Variants in POC1A observed in about 807,000 individuals in gnomAD.
POC1A encodes the protein POC1 centriolar protein homolog A.
In POC1A, 34 loss-of-function variants were observed where a neutral mutation model predicts 47.8. The observed-to-expected ratio is 0.71, with a 90% CI of 0.54 to 0.95. The LOEUF is 0.95. POC1A is among the 40% of genes least tolerant of loss of function. The pLI is 0.00. For synonymous variants in POC1A, 177 were observed against 207.6 expected, an observed-to-expected ratio of 0.85 and a Z score of 1.27; for missense variants, 466 against 528.3, an observed-to-expected ratio of 0.88 and a Z score of 1.16.
At chr3:52,107,262 G>A (rs1348208806) in intron 9 of POC1A, among the ~76,000 whole-genome samples, 1 of 152,258 alleles carries the variant, frequency 6.6e-6, no homozygotes, top group Non-Finnish European at 1.5e-5. Flanking sequence ...GCACACAAGG[G>A]TGTGGGGCAG....
chr3:52,145,215 G>A (rs1698324086), intron 6 of POC1A, among the ~76,000 whole-genome samples: 1 of 152,132 alleles, frequency 6.6e-6, no homozygotes, highest in South Asian at 2.1e-4. Context: ...AACTCATCCT[G>A]GGCATGTCTA....
At chr3:52,120,724 T>C (rs1439513731) in intron 9 of POC1A, among the ~76,000 whole-genome samples, 1 of 152,192 alleles carries the variant, frequency 6.6e-6, no homozygotes, top group Non-Finnish European at 1.5e-5. Flanking sequence ...GTAGATAGTA[T>C]GGGAACAAGT....
intron 9 of POC1A, among the ~76,000 whole-genome samples, chr3:52,121,851 T>C (rs192513032): frequency 7.9e-4 from 120 of 152,342 alleles, no homozygotes; most frequent in African/African-American, 2.6e-3. Flanking sequence ...ATATTAACTA[T>C]TTAAATTCAG....
intron 10 of POC1A, among the ~76,000 whole-genome samples, chr3:52,080,915 C>G (rs1403144631): frequency 6.6e-6 from 1 of 152,236 alleles, no homozygotes. Flanking sequence ...ACTCCTCACC[C>G]GATACTGTCC....
At chr3:52,085,682 C>T (rs1702436933) in intron 10 of POC1A, among the ~76,000 whole-genome samples, 3 of 152,204 alleles carry the variant, frequency 2.0e-5, no homozygotes, top group Admixed American at 2.0e-4. Flanking sequence ...GTGGTAAGCA[C>T]GAAGGCTCCT....
chr3:52,149,573 AC>A (rs1016061429), intron 3 of POC1A, among the ~76,000 whole-genome samples, 184 bp from the exon 4 acceptor site: 1 of 152,174 alleles, frequency 6.6e-6, no homozygotes, highest in African/African-American at 2.4e-5. Context: ...TCTAGGCCCC[AC>A]CCACATGAAC....
chr3:52,122,427 C>T lies in POC1A; in HGVS notation c.933G>A (p.Thr311=), dbSNP rs777125034. The T allele has an allele frequency of 8.7e-6, 14 of 1,613,204 alleles. No homozygotes were observed. Among genetic ancestry groups the T allele is most frequent in the African/African-American group, 2.7e-5 (2 of 74,910 alleles). ...NFDIVDHGEV[T]KVPRPPATLA... ...GTGTGGCTGGGGGCCTCGGCACTTT[C>T]GTGACTTCTCCATGATCAACAATAT... Residue 311 remains threonine (T), a synonymous_variant, in exon 9 of 11, where the codon ACG becomes ACA. Coordinates refer to ENST00000296484, the MANE Select transcript of POC1A (RefSeq NM_015426.5).
intron 5 of POC1A, among the ~76,000 whole-genome samples, chr3:52,146,176 C>A (rs951121240): frequency 6.6e-6 from 1 of 152,258 alleles, no homozygotes; most frequent in African/African-American, 2.4e-5. Flanking sequence ...CTAAGGTGGA[C>A]TGACCAGGGA....
At chr3:52,089,474 ACT>A (rs1702572145) in intron 10 of POC1A, among the ~76,000 whole-genome samples, 1 of 152,058 alleles carries the variant, frequency 6.6e-6, no homozygotes, top group Non-Finnish European at 1.5e-5. Context: ...CCTGAACATG[ACT>A]CTGGCCAAAA....
chr3:52,094,115 AGAG>A (rs1163252888), intron 10 of POC1A, among the ~76,000 whole-genome samples: 1 of 152,244 alleles, frequency 6.6e-6, no homozygotes, highest in Non-Finnish European at 1.5e-5. Context: ...TGGAGGCAAC[AGAG>A]GAGAACAGCA....
rs1702096784 is a variant in POC1A at position 52,075,790 on chromosome 3, A to G, written c.*97T>C. On this transcript the variant is annotated 3_prime_UTR_variant, in exon 11 of 11. Coordinates refer to ENST00000296484, the MANE Select transcript of POC1A (RefSeq NM_015426.5). ...GGGCTCCAGTATGGATGTGATTCCCACAGAGTTCAGTCCCCTTTATTTACC... is the reference window on the plus strand; with the variant it reads ...GGGCTCCAGTATGGATGTGATTCCCGCAGAGTTCAGTCCCCTTTATTTACC... 4 of 904,296 alleles carry G rather than the reference A, an allele frequency of 4.4e-6. No homozygotes were observed. In the Admixed American group the frequency reaches 6.9e-5, roughly 16 times the overall value. 56.0% of individuals were successfully genotyped at this position (904,296 alleles called of 1,614,324 possible).
chr3:52,148,254 A>G (rs1019521048), intron 4 of POC1A, among the ~76,000 whole-genome samples: 11 of 152,236 alleles, frequency 7.2e-5, no homozygotes, highest in African/African-American at 2.7e-4. Context: ...TTGACACCCC[A>G]GTTTGCTGGC....
At chr3:52,132,995 G>A (rs890848943) in intron 7 of POC1A, among the ~76,000 whole-genome samples, 1 of 151,626 alleles carries the variant, frequency 6.6e-6, no homozygotes, top group Non-Finnish European at 1.5e-5. Flanking sequence ...GCAGTGAGCC[G>A]AGTTCACGCC....
At chr3:52,124,005 C>A (rs1366523258) in intron 8 of POC1A, among the ~76,000 whole-genome samples, 2 of 152,182 alleles carry the variant, frequency 1.3e-5, no homozygotes, top group Admixed American at 1.3e-4. Context: ...TGTCTCTAAC[C>A]CAGGCTGTGG....
intron 9 of POC1A, among the ~76,000 whole-genome samples, chr3:52,116,820 G>A (rs556545288): frequency 1.3e-5 from 2 of 152,220 alleles, no homozygotes; most frequent in African/African-American, 4.8e-5. Context: ...GGAGGCAGAG[G>A]CAGGAGAACT....
intron 6 of POC1A, among the ~76,000 whole-genome samples, chr3:52,144,892 G>A (rs898615114): frequency 1.3e-5 from 2 of 152,290 alleles, no homozygotes; most frequent in African/African-American, 2.4e-5. Flanking sequence ...GGGTGGGGTC[G>A]GAACCCCACA....
intron 9 of POC1A, among the ~76,000 whole-genome samples, chr3:52,111,941 A>G (rs1305361353): frequency 6.6e-6 from 1 of 152,176 alleles, no homozygotes; most frequent in East Asian, 1.9e-4. Context: ...TGACTGGACT[A>G]ATGGCAGGAG....
intron 9 of POC1A, among the ~76,000 whole-genome samples, chr3:52,114,042 C>A (rs1703472529): frequency 6.6e-6 from 1 of 152,200 alleles, no homozygotes; most frequent in Non-Finnish European, 1.5e-5. Context: ...ATTGAGACAA[C>A]CTGCGTGAGG....
intron 7 of POC1A, among the ~76,000 whole-genome samples, chr3:52,127,453 C>G (rs1164020211): frequency 6.6e-6 from 1 of 150,414 alleles, no homozygotes; most frequent in Admixed American, 6.6e-5. Flanking sequence ...TGCAGTGGTG[C>G]GATCTTGGCT....
Sources: allele counts gnomAD v4.1 joint callset (sites outside exome capture counted in the v4.1 genomes callset), GRCh38; gene constraint gnomAD v4.1.1; transcripts MANE v1.5; gene names NCBI Gene and HGNC (gene_info 2026-07-23, HGNC 2026-07-21).